The following WASF3 variants were observed in gnomAD, a reference collection of about 807,000 sequenced individuals.
The protein encoded by WASF3 is actin-binding protein WASF3.
In WASF3, 11 loss-of-function variants were observed where a neutral mutation model predicts 46.6. The ratio of observed to expected loss-of-function variants is 0.24; its 90% CI spans 0.15 to 0.39. WASF3 has a LOEUF of 0.39. Among genes scored for constraint, WASF3 ranks in the 10% least tolerant of loss-of-function variants. The pLI, the probability that WASF3 is intolerant of heterozygous loss-of-function variation, is 1.00. For synonymous variants in WASF3, 242 were observed against 259.7 expected, an observed-to-expected ratio of 0.93 and a Z score of 0.65; for missense variants, 576 against 669.8, an observed-to-expected ratio of 0.86 and a Z score of 1.55.
intron 2 of WASF3, among the ~76,000 whole-genome samples, chr13:26,618,617 A>G (rs1233975991): frequency 6.6e-6 from 1 of 151,946 alleles, no homozygotes; most frequent in Non-Finnish European, 1.5e-5. Context: ...CCATATATAT[A>G]TTTATCTTGT....
At chr13:26,675,950 G>A (rs187178646) in intron 6 of WASF3, among the ~76,000 whole-genome samples, 3 of 152,278 alleles carry the variant, frequency 2.0e-5, no homozygotes, top group Admixed American at 2.0e-4. Flanking sequence ...AGAAGCACCT[G>A]TTTAAGAACT....
At chr13:26,561,172 C>T (rs1357521004) in intron 1 of WASF3, among the ~76,000 whole-genome samples, 1 of 151,976 alleles carries the variant, frequency 6.6e-6, no homozygotes, top group African/African-American at 2.4e-5. Context: ...GTGTGGAGTT[C>T]GGAGACCTCT....
chr13:26,664,470 C>T lies in WASF3; in HGVS notation c.134-558C>T, dbSNP rs1442977549. 3.3e-5 allele frequency among the ~76,000 whole-genome samples: 5 copies of T among 152,266 alleles called. 1 individual carries two copies. Among genetic ancestry groups the T allele is most frequent in the South Asian group, 2.1e-4 (1 of 4,822 alleles). On this transcript the variant is annotated intron_variant, in intron 3 of 9. Transcript: ENST00000335327. ...CTCAGAGGAATGTGGAAATGAGCCACGCAGAAAAATTTAACTCAGAATTCA... is the reference window on the plus strand; with the variant it reads ...CTCAGAGGAATGTGGAAATGAGCCATGCAGAAAAATTTAACTCAGAATTCA...
At chr13:26,663,315 G>A (rs931828385) in intron 3 of WASF3, among the ~76,000 whole-genome samples, 1 of 152,206 alleles carries the variant, frequency 6.6e-6, no homozygotes, top group Non-Finnish European at 1.5e-5. Flanking sequence ...TAACAAGTCT[G>A]GAGCTCAGGA....
chr13:26,546,975 TG>T, the WASF3 span, among the ~76,000 whole-genome samples: 2 of 152,176 alleles, frequency 1.3e-5, no homozygotes, highest in Non-Finnish European at 2.9e-5. Flanking sequence ...TTACCATGTC[TG>T]AAGCCTCCTA....
At chr13:26,617,149 A>G (rs1216506029) in intron 2 of WASF3, among the ~76,000 whole-genome samples, 1 of 152,220 alleles carries the variant, frequency 6.6e-6, no homozygotes, top group Non-Finnish European at 1.5e-5. Context: ...TTTAAAAACT[A>G]TCAATTAACA....
At chr13:26,636,323 A>T (rs1158729421) in intron 2 of WASF3, among the ~76,000 whole-genome samples, 2 of 152,352 alleles carry the variant, frequency 1.3e-5, no homozygotes, top group African/African-American at 4.8e-5. Context: ...CGAGCCAGGC[A>T]CGGGAGAGAA....
At chr13:26,568,743 T>C (rs1002008318) in intron 1 of WASF3, among the ~76,000 whole-genome samples, 1 of 152,218 alleles carries the variant, frequency 6.6e-6, no homozygotes, top group Non-Finnish European at 1.5e-5. Context: ...TTGCCATCTT[T>C]GCCAGAGAGC....
chr13:26,579,295 A>C (rs1879904243), intron 1 of WASF3, among the ~76,000 whole-genome samples: 1 of 152,058 alleles, frequency 6.6e-6, no homozygotes, highest in Non-Finnish European at 1.5e-5. Context: ...GTAAATACCC[A>C]AGCCTAGAGA....
intron 1 of WASF3, among the ~76,000 whole-genome samples, chr13:26,592,823 A>G (rs1880344897): frequency 6.6e-6 from 1 of 151,786 alleles, no homozygotes; most frequent in Non-Finnish European, 1.5e-5. Context: ...TTCAGGATAA[A>G]TGTCATTGAG....
intron 1 of WASF3, among the ~76,000 whole-genome samples, chr13:26,583,688 C>T (rs1880048836): frequency 6.6e-6 from 1 of 152,178 alleles, no homozygotes; most frequent in Admixed American, 6.5e-5. Flanking sequence ...ACTTTACCCT[C>T]TGTATTTCAT....
intron 1 of WASF3, among the ~76,000 whole-genome samples, chr13:26,596,559 G>A (rs555182798): frequency 6.6e-6 from 1 of 152,058 alleles, no homozygotes; most frequent in East Asian, 1.9e-4. Flanking sequence ...GTTGCTTTGA[G>A]TATTTTCTCT....
intron 3 of WASF3, among the ~76,000 whole-genome samples, chr13:26,661,339 T>A (rs1373996499): frequency 6.6e-6 from 1 of 152,254 alleles, no homozygotes; most frequent in African/African-American, 2.4e-5. Flanking sequence ...TGGACTACTT[T>A]ACATGCCTCA....
At chr13:26,572,049 A>T (rs894981489) in intron 1 of WASF3, among the ~76,000 whole-genome samples, 1 of 152,068 alleles carries the variant, frequency 6.6e-6, no homozygotes, top group African/African-American at 2.4e-5. Flanking sequence ...ATATCTTGCT[A>T]CCTTGCTTAA....
intron 1 of WASF3, among the ~76,000 whole-genome samples, chr13:26,592,595 A>G (rs535855870): frequency 6.6e-6 from 1 of 152,282 alleles, no homozygotes; most frequent in African/African-American, 2.4e-5. Flanking sequence ...CATAGGTCCC[A>G]TAGGATCCAG....
rs1882731788 is a variant in WASF3 at position 26,665,057 on chromosome 13, T to C, written c.163T>C (p.Leu55=). 6.2e-7 allele frequency: 1 copy of C among 1,614,022 alleles called. No individual in the cohort carries two copies. Among genetic ancestry groups the C allele is most frequent in the Non-Finnish European group, 8.5e-7 (1 of 1,180,002 alleles). Residue 55 remains leucine, a synonymous_variant, in exon 4 of 10, where the codon TTG becomes CTG. Coordinates refer to ENST00000335327, the MANE Select transcript of WASF3 (RefSeq NM_006646.6). ...SKHAEDIFGE[L]FNEANNFYIR... ...ACATGCTGAAGACATATTTGGTGAG[T>C]TGTTTAATGAGGCTAACAACTTCTA...
At chr13:26,633,446 T>C (rs9507749) in intron 2 of WASF3, among the ~76,000 whole-genome samples, 76,598 of 151,788 alleles carry the variant, frequency 0.5, 19,805 homozygotes, top group Non-Finnish European at 0.57. Context: ...TCAGGTGATC[T>C]GCCCACCTCG....
intron 3 of WASF3, among the ~76,000 whole-genome samples, chr13:26,656,447 CTCAGT>C (rs1340447399): frequency 3.3e-5 from 5 of 152,098 alleles, no homozygotes; most frequent in Non-Finnish European, 5.9e-5. Flanking sequence ...ATAATTGTCA[CTCAGT>C]TACTAAAAAT....
rs17090477 is a variant in WASF3, at chr13:26,577,493, A to G, written c.-109+19674A>G. Reference sequence around the variant, plus strand: ...AGACATAGAAAAGACTTGCCAATCCATTTATCCTCTCCATGATGTCTTCGT... The same window carrying G: ...AGACATAGAAAAGACTTGCCAATCCGTTTATCCTCTCCATGATGTCTTCGT... On this transcript the variant is annotated intron_variant, in intron 1 of 9. Transcript: ENST00000335327. 8.9e-3 allele frequency: 10,760 copies of G among 1,214,014 alleles called. 137 individuals are homozygous for G. Among genetic ancestry groups the G allele is most frequent in the African/African-American group, 0.051 (3,410 of 67,242 alleles). 75.2% of individuals were successfully genotyped at this position (1,214,014 alleles called of 1,614,324 possible). A position where few individuals can be genotyped will look rare whatever the true frequency, so the allele number is the denominator to read the frequency against.
Sources: gnomAD v4.1 joint callset for allele counts (sites outside exome capture counted in the v4.1 genomes callset) on GRCh38, gnomAD v4.1.1 for gene constraint, MANE v1.5 for transcripts, NCBI Gene and HGNC (gene_info 2026-07-23, HGNC 2026-07-21) for gene names.